JAZF1: variants seen among roughly 807,000 people sequenced by gnomAD.
JAZF1 encodes the protein juxtaposed with another zinc finger protein 1.
Under a neutral mutation model 26.4 loss-of-function variants are expected in JAZF1, and 8 were observed. The observed-to-expected ratio is 0.30, with a 90% confidence interval of 0.18 to 0.55. JAZF1 has a LOEUF of 0.55. Among genes scored for constraint, JAZF1 ranks in the 20% least tolerant of loss-of-function variants. The probability of loss-of-function intolerance (pLI) is 0.94; values close to 1 mark genes in which losing one functional copy is unlikely to be tolerated. For missense variants in JAZF1, 199 were observed against 322.0 expected (o/e 0.62, Z 2.92); for synonymous variants, 126 against 122.3 (o/e 1.03, Z -0.20).
chr7:28,059,543 T>C (rs1783766574), intron 1 of JAZF1, among the ~76,000 whole-genome samples: 1 of 152,208 alleles, frequency 6.6e-6, no homozygotes, highest in African/African-American at 2.4e-5. Flanking sequence ...AAAGTCACTG[T>C]TGATTCAAAT....
intron 1 of JAZF1, among the ~76,000 whole-genome samples, chr7:28,100,375 A>G (rs1046608906): frequency 1.3e-5 from 2 of 152,116 alleles, no homozygotes; most frequent in Admixed American, 1.3e-4. Context: ...AAATCAAAAA[A>G]GTTTTATTTT....
In JAZF1 at chr7:27,986,318, AACAG is replaced by A. The variant is rs369251311; in HGVS notation, c.188+5587_188+5590del. On this transcript the variant is annotated intron_variant, in intron 2 of 4. Transcript: ENST00000283928. ...ATCACAAGCATTCCTATACACCAAT[AACAG>A]ACAGACAGAGAGCCAAATCATGAGT... Among the ~76,000 whole-genome samples, 66 of 152,304 alleles carry A rather than the reference AACAG, an allele frequency of 4.3e-4. 1 individual carries two copies. In the East Asian group the frequency reaches 7.9e-3, roughly 18 times the overall value.
chr7:27,995,677 G>C (rs1583498988), intron 1 of JAZF1, among the ~76,000 whole-genome samples: 1 of 152,148 alleles, frequency 6.6e-6, no homozygotes, highest in South Asian at 2.1e-4. Flanking sequence ...AGATGGCAAT[G>C]TGTCTATCTT....
In JAZF1 at chr7:28,149,207, A is replaced by G. The variant is rs570790446; in HGVS notation, c.115+31256T>C. On this transcript the variant is annotated intron_variant, in intron 1 of 4. Transcript: ENST00000283928. The stretch of plus-strand genomic sequence containing the variant: ...CAGCCTCCTCTCCTCAAGCAGCCCA[A>G]TTTCTCATATCTTAGCAATTGAACC... Among the ~76,000 whole-genome samples the G allele has an allele frequency of 3.0e-4, 45 of 152,252 alleles. 1 individual carries two copies. The highest frequency in any genetic ancestry group is 9.4e-4 in the African/African-American group (39 of 41,552).
chr7:27,832,738 T>C lies in JAZF1; in HGVS notation c.*62A>G. 1 of 1,316,522 alleles carries C rather than the reference T, an allele frequency of 7.6e-7. No individual in the cohort carries two copies. The highest frequency in any genetic ancestry group is 1.0e-6 in the Non-Finnish European group (1 of 984,622). 81.6% of individuals were successfully genotyped at this position (1,316,522 alleles called of 1,614,324 possible). On this transcript the variant is annotated 3_prime_UTR_variant, in exon 5 of 5. Transcript: ENST00000283928. ...GCTGAATGCTTCCCCTGAAAAAAGG[T>C]GGCTGTTTTCAAAATCAGCAACTGC...
At position 28,075,423 on chromosome 7, in the gene JAZF1, T is replaced by C. The variant is rs984177390; in HGVS notation, c.116-83442A>G. ...ATAAAAAGTATGTATTAAGTAAATA[T>C]GAGAAAATAATTTTAAAATACACAC... On this transcript the variant is annotated intron_variant, in intron 1 of 4. Transcript: ENST00000283928. Among the ~76,000 whole-genome samples, 4 of 152,284 alleles carry C rather than the reference T, an allele frequency of 2.6e-5. No individual in the cohort carries two copies. In the East Asian group the frequency reaches 7.7e-4, roughly 29 times the overall value.
intron 2 of JAZF1, among the ~76,000 whole-genome samples, chr7:27,983,920 A>G (rs1785640767): frequency 6.6e-6 from 1 of 152,244 alleles, no homozygotes; most frequent in Non-Finnish European, 1.5e-5. Context: ...TGTCACCACC[A>G]GGCCTTCCTT....
chr7:27,947,778 A>G (rs1237843949), intron 2 of JAZF1, among the ~76,000 whole-genome samples: 1 of 152,144 alleles, frequency 6.6e-6, no homozygotes, highest in Admixed American at 6.5e-5. Context: ...GTGCTTGATG[A>G]AAATTTATTA....
chr7:27,869,745 A>T (rs886280505), intron 3 of JAZF1, among the ~76,000 whole-genome samples: 6 of 152,190 alleles, frequency 3.9e-5, no homozygotes, highest in African/African-American at 1.4e-4. Flanking sequence ...AACAAAAGAC[A>T]CTATCTCTCT....
chr7:28,044,931 G>A (rs1244623807), intron 1 of JAZF1, among the ~76,000 whole-genome samples: 1 of 152,074 alleles, frequency 6.6e-6, no homozygotes, highest in African/African-American at 2.4e-5. Context: ...TTCCTTTAAT[G>A]CTGCCAGCAA....
chr7:28,164,102 G>C (rs1457772529), intron 1 of JAZF1, among the ~76,000 whole-genome samples: 1 of 152,208 alleles, frequency 6.6e-6, no homozygotes, highest in Non-Finnish European at 1.5e-5. Flanking sequence ...TGCCCCTTCA[G>C]CCTGGTTCCC....
intron 2 of JAZF1, among the ~76,000 whole-genome samples, chr7:27,974,657 G>A (rs1384789700): frequency 2.0e-5 from 3 of 152,160 alleles, no homozygotes; most frequent in Non-Finnish European, 4.4e-5. Flanking sequence ...GTTCATCTGA[G>A]GCTGAGGACT....
At chr7:27,989,553 C>T (rs1324897446) in intron 2 of JAZF1, among the ~76,000 whole-genome samples, 1 of 152,102 alleles carries the variant, frequency 6.6e-6, no homozygotes, top group Admixed American at 6.5e-5. Context: ...GGCTAATATC[C>T]AGAATCTACA....
chr7:28,008,524 G>C (rs1179498121), intron 1 of JAZF1, among the ~76,000 whole-genome samples: 4 of 152,224 alleles, frequency 2.6e-5, no homozygotes, highest in Admixed American at 2.6e-4. Flanking sequence ...AAGGTGGTCT[G>C]AGAGTCATTG....
intron 1 of JAZF1, among the ~76,000 whole-genome samples, chr7:28,000,729 A>C (rs1583501866): frequency 6.8e-6 from 1 of 147,702 alleles, no homozygotes; most frequent in Non-Finnish European, 1.5e-5. Flanking sequence ...ATCGATTCTC[A>C]TGCCTCAGCC....
chr7:28,092,215 C>A (rs1784308651), intron 1 of JAZF1, among the ~76,000 whole-genome samples: 1 of 135,284 alleles, frequency 7.4e-6, no homozygotes, highest in African/African-American at 2.7e-5. Context: ...CTATCAACTT[C>A]TAATTAGTTT....
chr7:28,033,224 C>T (rs1357215035), intron 1 of JAZF1, among the ~76,000 whole-genome samples: 15 of 152,028 alleles, frequency 9.9e-5, no homozygotes, highest in African/African-American at 3.4e-4. Context: ...GATGGAACAT[C>T]GATTATGCGA....
chr7:27,931,932 A>G (rs1784694264), intron 2 of JAZF1, among the ~76,000 whole-genome samples: 1 of 152,090 alleles, frequency 6.6e-6, no homozygotes. Context: ...AATAAATAAA[A>G]AATAAAAAAA....
chr7:27,840,935 TC>T lies in JAZF1; in HGVS notation c.386-69del. The T allele has an allele frequency of 6.5e-7, 1 of 1,546,988 alleles. No individual in the cohort carries two copies. Among genetic ancestry groups the T allele is most frequent in the Non-Finnish European group, 8.8e-7 (1 of 1,132,482 alleles). ...CTCCCCACAGGTTCACCCGGCCACT[TC>T]CAGGACAGGAGATGTGGCCGTGGCA... On this transcript the variant is annotated intron_variant, in intron 3 of 4. Transcript: ENST00000283928. This position sits in a 1 kb window ranked among gnomAD's most constrained non-coding sequence, Gnocchi z 5.1.
Sources: allele counts gnomAD v4.1 joint callset (sites outside exome capture counted in the v4.1 genomes callset), GRCh38; gene constraint gnomAD v4.1.1; non-coding constraint Gnocchi (gnomAD v3.1); transcripts MANE v1.5; gene names NCBI Gene and HGNC (gene_info 2026-07-23, HGNC 2026-07-21).